UBASH3A: variants seen among roughly 807,000 people sequenced by gnomAD.
UBASH3A encodes the protein ubiquitin-associated and SH3 domain-containing protein A.
In UBASH3A, 63 loss-of-function variants were observed where a neutral mutation model predicts 73.5. The ratio of observed to expected loss-of-function variants is 0.86; its 90% CI spans 0.70 to 1.06. UBASH3A has a LOEUF of 1.06. Among genes scored for constraint, UBASH3A ranks in the 50% least tolerant of loss-of-function variants. The pLI is 0.00. For missense variants in UBASH3A, 860 were observed against 859.0 expected (o/e 1.00, Z -0.02); for synonymous variants, 363 against 351.1 (o/e 1.03, Z -0.38).
chr21:42,442,307 G>A (rs1336815394), intron 11 of UBASH3A, 145 bp from the exon 12 acceptor site: 10 of 859,672 alleles, frequency 1.2e-5, no homozygotes, highest in South Asian at 6.6e-5. Flanking sequence ...ATCACAGAAC[G>A]GTATTTGCCA....
At chr21:42,428,522 T>G (rs1267094697) in intron 8 of UBASH3A, among the ~76,000 whole-genome samples, 1 of 152,108 alleles carries the variant, frequency 6.6e-6, no homozygotes, top group Non-Finnish European at 1.5e-5. Flanking sequence ...TTTCAGCTAT[T>G]TAAAAAGATT....
At chr21:42,422,714 T>C (rs2053360381) in intron 7 of UBASH3A, among the ~76,000 whole-genome samples, 1 of 152,188 alleles carries the variant, frequency 6.6e-6, no homozygotes, top group Non-Finnish European at 1.5e-5. Context: ...TGAAAAAATA[T>C]GCAAGATTTA....
At chr21:42,434,803 T>C (rs1418178444) in intron 9 of UBASH3A, 29 bp from the exon 10 acceptor site, 2 of 1,602,350 alleles carry the variant, frequency 1.2e-6, no homozygotes, top group Non-Finnish European at 1.7e-6. Context: ...TTGATGAAAC[T>C]GAACGTCTGA....
chr21:42,432,196 C>G lies in UBASH3A; in HGVS notation c.1264C>G (p.Pro422Ala), dbSNP rs770795940. 1 of 1,610,714 alleles carries G rather than the reference C, an allele frequency of 6.2e-7. No individual in the cohort carries two copies. The highest frequency in any genetic ancestry group is 1.1e-5 in the South Asian group (1 of 90,808). ...GKAWLQQCST[P>A]DGKYYRPDLN... ...GGCATGGCTGCAGCAATGCTCCACTCCTGATGGTAGGTCACACTCAGGCGG... is the reference window on the plus strand; with the variant it reads ...GGCATGGCTGCAGCAATGCTCCACTGCTGATGGTAGGTCACACTCAGGCGG... The change falls in exon 9 of 15, where the codon CCT becomes GCT. Residue 422 changes from proline to alanine, a missense_variant. By Grantham distance (27) the Pro-to-Ala change is conservative (BLOSUM62 -1). Coordinates refer to ENST00000319294, the MANE Select transcript of UBASH3A (RefSeq NM_018961.4).
At chr21:42,417,255 T>C (rs2053229967) in intron 6 of UBASH3A, among the ~76,000 whole-genome samples, 1 of 151,712 alleles carries the variant, frequency 6.6e-6, no homozygotes, top group Non-Finnish European at 1.5e-5. Flanking sequence ...AAACGCTGTC[T>C]CTACTAAAAA....
intron 9 of UBASH3A, among the ~76,000 whole-genome samples, chr21:42,434,116 C>T (rs968498399): frequency 1.3e-5 from 2 of 152,190 alleles, no homozygotes; most frequent in Non-Finnish European, 2.9e-5. Flanking sequence ...TGACCACTCC[C>T]TCTTGAGTCA....
intron 6 of UBASH3A, among the ~76,000 whole-genome samples, chr21:42,417,160 C>T (rs572905867): frequency 9.2e-5 from 14 of 152,212 alleles, no homozygotes; most frequent in Non-Finnish European, 1.9e-4. Flanking sequence ...TGGTGGCTCA[C>T]ACCTATAATC....
chr21:42,429,517 G>C (rs2053493859), intron 8 of UBASH3A, among the ~76,000 whole-genome samples: 2 of 152,144 alleles, frequency 1.3e-5, no homozygotes, highest in African/African-American at 4.8e-5. Flanking sequence ...CAAAACTTCA[G>C]CCCGCAAGTT....
chr21:42,405,293 C>T lies in UBASH3A; in HGVS notation c.114-1015C>T, dbSNP rs896117977. On this transcript the variant is annotated intron_variant, in intron 1 of 14. Coordinates refer to ENST00000319294, the MANE Select transcript of UBASH3A (RefSeq NM_018961.4). The stretch of plus-strand genomic sequence containing the variant: ...CAGACAAGGCAGCTTTTGTCCACTG[C>T]TCACCACCCAGTGCAGGCAGGACAC... Among the ~76,000 whole-genome samples, 3 of 152,198 alleles carry T rather than the reference C, an allele frequency of 2.0e-5. No individual in the cohort carries two copies. The East Asian group carries it at 5.8e-4, about 29-fold the overall frequency.
chr21:42,427,712 G>A (rs957730014), intron 8 of UBASH3A, among the ~76,000 whole-genome samples: 2 of 152,184 alleles, frequency 1.3e-5, no homozygotes, highest in Non-Finnish European at 1.5e-5. Flanking sequence ...CCACGGCCAG[G>A]CCCCTGGTGC....
At chr21:42,426,891 G>C (rs2053445660) in intron 8 of UBASH3A, 71 bp downstream of exon 8, 1 of 1,558,212 alleles carries the variant, frequency 6.4e-7, no homozygotes, top group African/African-American at 1.4e-5. Flanking sequence ...CTTCACGGTG[G>C]ACACAGCTTC....
In UBASH3A at chr21:42,437,654, A is replaced by G. The variant is rs1355405980; in HGVS notation, c.1486+74A>G. 4.4e-6 allele frequency: 6 copies of G among 1,356,286 alleles called. No homozygotes were observed. In the Admixed American group the frequency reaches 6.8e-5, roughly 15 times the overall value. The allele number at this position is 1,356,286 out of a possible 1,614,324, so 84.0% of individuals were successfully genotyped here. A position where few individuals can be genotyped will look rare whatever the true frequency, so the allele number is the denominator to read the frequency against. On this transcript the variant is annotated intron_variant, in intron 11 of 14. Transcript: ENST00000319294. ...TATTCTCCAAGGGGAGTGGGAAGGG[A>G]GTGGAGGTGGAATTGGATGACTGGC...
In UBASH3A at chr21:42,426,639, C is replaced by T; in HGVS notation, c.1047-58C>T. ...GTACATACATGACCAGATGCTGGGT[C>T]TCCATGGCAACAACATGGTCTCACT... On this transcript the variant is annotated intron_variant, in intron 7 of 14. Coordinates refer to ENST00000319294, the MANE Select transcript of UBASH3A (RefSeq NM_018961.4). The T allele has an allele frequency of 1.9e-6, 3 of 1,595,332 alleles. No homozygotes were observed. In the South Asian group the frequency reaches 3.4e-5, roughly 18 times the overall value.
intron 11 of UBASH3A, among the ~76,000 whole-genome samples, chr21:42,440,261 G>A (rs2053717242): frequency 1.3e-5 from 2 of 152,226 alleles, no homozygotes; most frequent in Non-Finnish European, 2.9e-5. Flanking sequence ...TGGGAGGGAC[G>A]AGGGTGGCAA....
rs887667188 is a variant in UBASH3A, at chr21:42,447,408, G to A, written c.*214G>A. On this transcript the variant is annotated 3_prime_UTR_variant, in exon 15 of 15. Coordinates refer to ENST00000319294, the MANE Select transcript of UBASH3A (RefSeq NM_018961.4). The stretch of plus-strand genomic sequence containing the variant: ...CATCGTCCACCAGCCCAGCTGCGGG[G>A]AGCACAGGGCAGGTGGCTGGGTGAG... 32 of 528,298 alleles carry A rather than the reference G, an allele frequency of 6.1e-5. No individual in the cohort carries two copies. The highest frequency in any genetic ancestry group is 6.0e-4 in the African/African-American group (31 of 51,488). 32.7% of individuals were successfully genotyped at this position (528,298 alleles called of 1,614,324 possible).
chr21:42,432,048 T>C, intron 8 of UBASH3A, 55 bp from the exon 9 acceptor site: 1 of 1,105,346 alleles, frequency 9.0e-7, no homozygotes, highest in Non-Finnish European at 1.4e-6. Context: ...TTGGTGCAAG[T>C]CCAGTGAGTT....
intron 14 of UBASH3A, among the ~76,000 whole-genome samples, chr21:42,446,444 AC>A (rs1318477285): frequency 1.3e-5 from 2 of 151,710 alleles, no homozygotes. Flanking sequence ...CCTCACTCAG[AC>A]CCCCCTGCCA....
intron 11 of UBASH3A, among the ~76,000 whole-genome samples, chr21:42,438,467 CCACCCA>C (rs1430696263): frequency 6.6e-6 from 1 of 152,110 alleles, no homozygotes; most frequent in Non-Finnish European, 1.5e-5. Flanking sequence ...CACTCAGAGC[CCACCCA>C]CAGTTCATGA....
At chr21:42,405,721 A>G (rs968809404) in intron 1 of UBASH3A, among the ~76,000 whole-genome samples, 1 of 152,170 alleles carries the variant, frequency 6.6e-6, no homozygotes, top group African/African-American at 2.4e-5. Context: ...AATGCAATGT[A>G]CTTACGTCCC....
Sources: allele counts gnomAD v4.1 joint callset (sites outside exome capture counted in the v4.1 genomes callset), GRCh38; gene constraint gnomAD v4.1.1; transcripts MANE v1.5; gene names NCBI Gene and HGNC (gene_info 2026-07-23, HGNC 2026-07-21).